Variants in NEBL observed in about 807,000 individuals in gnomAD.
NEBL encodes nebulette, also known as LIM and SH3 protein 2.
NEBL carries 122 observed loss-of-function variants against 140.2 expected under a neutral mutation model. That is an observed-to-expected ratio of 0.87 (90% CI 0.75 to 1.01). The LOEUF is 1.01. Ranked by LOEUF, NEBL falls within the 50% of genes least tolerant of loss-of-function variation. The probability of loss-of-function intolerance (pLI) is 0.00; values close to 1 mark genes in which losing one functional copy is unlikely to be tolerated. For missense variants in NEBL, 1,365 were observed against 1,231.3 expected (o/e 1.11, Z -1.62); for synonymous variants, 436 against 398.9 (o/e 1.09, Z -1.11).
chr10:21,255,196 T>C (rs535813357), intron 1 of NEBL, among the ~76,000 whole-genome samples: 150 of 152,238 alleles, frequency 9.9e-4, no homozygotes, highest in African/African-American at 3.4e-3. Context: ...CAGGCACATG[T>C]GTAACCCATG....
chr10:21,219,236 T>C (rs1303086500), intron 3 of NEBL, among the ~76,000 whole-genome samples: 2 of 152,212 alleles, frequency 1.3e-5, no homozygotes, highest in African/African-American at 4.8e-5. Flanking sequence ...GTATTAATTA[T>C]AAGTAATAAA....
intron 21 of NEBL, among the ~76,000 whole-genome samples, chr10:20,816,804 C>T (rs544437421): frequency 6.6e-6 from 1 of 152,086 alleles, no homozygotes; most frequent in Non-Finnish European, 1.5e-5. Context: ...ACTGCCAGCC[C>T]CTTATTAAGT....
intron 3 of NEBL, among the ~76,000 whole-genome samples, chr10:21,199,619 A>G (rs1201779733): frequency 1.3e-5 from 2 of 152,150 alleles, no homozygotes. Flanking sequence ...TCTGAGAAGG[A>G]ACTGTGCTGT....
At chr10:21,101,185 CG>C (rs1228322988) in intron 2 of NEBL, among the ~76,000 whole-genome samples, 1 of 152,146 alleles carries the variant, frequency 6.6e-6, no homozygotes, top group Non-Finnish European at 1.5e-5. Flanking sequence ...AGTGAACAAT[CG>C]GGAGACATTA....
chr10:20,891,417 A>G (rs1847019714), intron 2 of NEBL, among the ~76,000 whole-genome samples: 3 of 152,204 alleles, frequency 2.0e-5, no homozygotes, highest in Admixed American at 2.0e-4. Flanking sequence ...TCATATGGAG[A>G]AAAAAGTATC....
At chr10:21,291,260 C>A (rs1201672473) in intron 1 of NEBL, among the ~76,000 whole-genome samples, 1 of 151,982 alleles carries the variant, frequency 6.6e-6, no homozygotes, top group Non-Finnish European at 1.5e-5. Flanking sequence ...AATCCCATCA[C>A]TTTAGGAGGC....
Position 21,169,794 on chromosome 10 carries a change from C to G in NEBL, c.164+2589G>C, listed in dbSNP as rs55907432. Among the ~76,000 whole-genome samples the G allele has an allele frequency of 3.4e-3, 525 of 152,258 alleles. 4 individuals are homozygous for G. The highest frequency in any genetic ancestry group is 0.012 in the African/African-American group (487 of 41,524). ...GAGGCAAAAATCCTAGGGTGCTACC[C>G]TCAGAATTCAACTTAAAACTAAAAA... On this transcript the variant is annotated intron_variant, in intron 2 of 6. Transcript: ENST00000417816.
At chr10:21,286,579 T>A (rs1490985699) in intron 1 of NEBL, among the ~76,000 whole-genome samples, 2 of 152,224 alleles carry the variant, frequency 1.3e-5, no homozygotes, top group African/African-American at 4.8e-5. Context: ...ACGCCTGTAA[T>A]CCCAGCACTT....
At chr10:20,899,588 T>A (rs1490316876), upstream of NEBL, 1 of 364,838 alleles carries the variant, frequency 2.7e-6, no homozygotes, top group African/African-American at 2.1e-5. Flanking sequence ...CCTTAAGAAA[T>A]CAATACACCT....
intron 22 of NEBL, among the ~76,000 whole-genome samples, chr10:20,814,609 T>TACAAC (rs1564347809): frequency 1.0e-5 from 1 of 98,314 alleles, no homozygotes; most frequent in Non-Finnish European, 2.0e-5. Context: ...AACACACACA[T>TACAAC]ACACACATAC....
chr10:21,202,468 T>C (rs1048312359), intron 3 of NEBL, among the ~76,000 whole-genome samples: 2 of 145,262 alleles, frequency 1.4e-5, no homozygotes, highest in East Asian at 2.0e-4. Flanking sequence ...TTTCTTTTTT[T>C]TTTTTTTTTT....
At chr10:21,033,776 T>C (rs1833897287) in intron 2 of NEBL, among the ~76,000 whole-genome samples, 1 of 148,684 alleles carries the variant, frequency 6.7e-6, no homozygotes, top group Non-Finnish European at 1.5e-5. Flanking sequence ...GAAAAGAAAA[T>C]TGTATGATAA....
At chr10:21,120,360 G>A (rs1239143407) in intron 2 of NEBL, among the ~76,000 whole-genome samples, 1 of 102,356 alleles carries the variant, frequency 9.8e-6, no homozygotes, top group Non-Finnish European at 1.9e-5. Flanking sequence ...GGGCAACAGA[G>A]TGAGACTGTG....
intron 4 of NEBL, among the ~76,000 whole-genome samples, chr10:20,902,398 C>T (rs1165503736): frequency 1.2e-5 from 1 of 86,592 alleles, no homozygotes; most frequent in Non-Finnish European, 2.4e-5. Flanking sequence ...AGAGCAAAGA[C>T]ACTGTCTCAA....
intron 4 of NEBL, among the ~76,000 whole-genome samples, chr10:20,920,479 A>C (rs949299929): frequency 1.3e-5 from 2 of 152,252 alleles, no homozygotes; most frequent in Admixed American, 1.3e-4. Flanking sequence ...AGATTTCTGC[A>C]TACCGCTAAG....
At chr10:20,902,878 G>A (rs1847929912) in intron 4 of NEBL, among the ~76,000 whole-genome samples, 1 of 152,232 alleles carries the variant, frequency 6.6e-6, no homozygotes, top group Admixed American at 6.5e-5. Context: ...AGTTTTATGT[G>A]AGATGTGTCA....
chr10:21,152,115 A>G (rs1340830213), intron 2 of NEBL, among the ~76,000 whole-genome samples: 1 of 152,190 alleles, frequency 6.6e-6, no homozygotes, highest in Non-Finnish European at 1.5e-5. Flanking sequence ...CTATCCGGAA[A>G]TGGGACAGAG....
chr10:20,845,609 A>T lies in NEBL; in HGVS notation c.1117-241T>A, dbSNP rs1378661497. 7.0e-5 allele frequency: 30 copies of T among 425,770 alleles called. No individual in the cohort carries two copies. The Admixed American group carries it at 1.1e-3, about 16-fold the overall frequency. 26.4% of individuals were successfully genotyped at this position (425,770 alleles called of 1,614,324 possible). ...AAATCATTCTAAGTGAGGCTTCCTAACATCTTACTAGCCTAGGATTAATAT... is the reference window on the plus strand; with the variant it reads ...AAATCATTCTAAGTGAGGCTTCCTATCATCTTACTAGCCTAGGATTAATAT... On this transcript the variant is annotated intron_variant, in intron 11 of 27. Coordinates refer to ENST00000377122, the MANE Select transcript of NEBL (RefSeq NM_006393.3).
At chr10:21,281,240 A>G (rs1180507957) in intron 1 of NEBL, among the ~76,000 whole-genome samples, 1 of 152,154 alleles carries the variant, frequency 6.6e-6, no homozygotes, top group Non-Finnish European at 1.5e-5. Context: ...CACTGACTCT[A>G]ATTAGTGTAA....
Sources: gnomAD v4.1 joint callset for allele counts (sites outside exome capture counted in the v4.1 genomes callset) on GRCh38, gnomAD v4.1.1 for gene constraint, MANE v1.5 for transcripts, NCBI Gene and HGNC (gene_info 2026-07-23, HGNC 2026-07-21) for gene names.